RGS7: variants seen among roughly 807,000 people sequenced by gnomAD.
RGS7 encodes regulator of G protein signaling 7, also known as regulator of G-protein signaling 7.
In RGS7, 27 loss-of-function variants were observed where a neutral mutation model predicts 81.1. That is an observed-to-expected ratio of 0.33 (90% confidence interval 0.25 to 0.46). RGS7 has a LOEUF of 0.46. Ranked by LOEUF, RGS7 falls within the 20% of genes least tolerant of loss-of-function variation. RGS7 has a pLI of 1.00. For missense variants in RGS7, 396 were observed against 607.4 expected, an observed-to-expected ratio of 0.65 and a Z score of 3.66; for synonymous variants, 208 against 207.7, an observed-to-expected ratio of 1.00 and a Z score of -0.01.
chr1:241,330,982 A>G (rs148559887), intron 2 of RGS7, among the ~76,000 whole-genome samples: 2 of 152,324 alleles, frequency 1.3e-5, no homozygotes, highest in African/African-American at 4.8e-5. Flanking sequence ...TCATTGGTCC[A>G]TTAGTACATC....
At chr1:241,064,319 C>T (rs1232860827) in intron 3 of RGS7, among the ~76,000 whole-genome samples, 2 of 151,478 alleles carry the variant, frequency 1.3e-5, no homozygotes, top group African/African-American at 4.9e-5. Context: ...GGTGTGGCAG[C>T]TCCCATCGGT....
chr1:241,204,392 T>C (rs1055853065), intron 2 of RGS7, among the ~76,000 whole-genome samples: 1 of 152,180 alleles, frequency 6.6e-6, no homozygotes, highest in African/African-American at 2.4e-5. Context: ...ATAGATAAGA[T>C]GTGGTGTGCA....
chr1:240,894,267 T>A (rs1003045401), intron 6 of RGS7, among the ~76,000 whole-genome samples: 14 of 152,186 alleles, frequency 9.2e-5, no homozygotes, highest in Non-Finnish European at 8.8e-5. Flanking sequence ...GTGCATCTAT[T>A]GGCAGACTTT....
chr1:241,161,743 A>T (rs1245628492), intron 2 of RGS7, among the ~76,000 whole-genome samples: 1 of 144,434 alleles, frequency 6.9e-6, no homozygotes, highest in Non-Finnish European at 1.5e-5. Context: ...TTTGAGACAG[A>T]GTCTCACTCT....
chr1:240,936,338 T>C (rs1676633139), intron 5 of RGS7, among the ~76,000 whole-genome samples: 1 of 152,216 alleles, frequency 6.6e-6, no homozygotes, highest in South Asian at 2.1e-4. Flanking sequence ...CTTTATGAAT[T>C]TCCCTTAAGC....
chr1:240,802,774 T>G, intron 16 of RGS7, 130 bp downstream of exon 16: 1 of 732,966 alleles, frequency 1.4e-6, no homozygotes, highest in Non-Finnish European at 2.5e-6. Context: ...AATGCAAAGG[T>G]TTGGGGGAGG....
chr1:241,179,237 G>A (rs2071403894), intron 2 of RGS7, among the ~76,000 whole-genome samples: 1 of 152,142 alleles, frequency 6.6e-6, no homozygotes, highest in Non-Finnish European at 1.5e-5. Context: ...TGGGATTACA[G>A]GCATGCACCA....
At chr1:240,830,846 T>C (rs1189732785) in intron 9 of RGS7, among the ~76,000 whole-genome samples, 1 of 152,158 alleles carries the variant, frequency 6.6e-6, no homozygotes, top group East Asian at 1.9e-4. Flanking sequence ...AGGCATAAAG[T>C]GGAAAGATTC....
At chr1:241,353,619 T>C (rs1008565812) in intron 2 of RGS7, among the ~76,000 whole-genome samples, 12 of 152,074 alleles carry the variant, frequency 7.9e-5, no homozygotes, top group African/African-American at 2.9e-4. Flanking sequence ...ATCAAGAAAA[T>C]CTTTCTTTGA....
intron 18 of RGS7, among the ~76,000 whole-genome samples, chr1:240,791,022 T>C (rs1166894626): frequency 6.6e-6 from 1 of 152,228 alleles, no homozygotes; most frequent in East Asian, 1.9e-4. Flanking sequence ...CCCATGTCTA[T>C]TGGGTAATTT....
chr1:241,085,710 A>G (rs2063397447), intron 3 of RGS7, among the ~76,000 whole-genome samples: 1 of 152,288 alleles, frequency 6.6e-6, no homozygotes, highest in East Asian at 1.9e-4. Context: ...CTGGGATTAC[A>G]GGCGTGAGCC....
chr1:240,822,467 CGTTTCTAAT>C (rs1272072804), intron 10 of RGS7, among the ~76,000 whole-genome samples: 11 of 152,108 alleles, frequency 7.2e-5, no homozygotes, highest in Non-Finnish European at 1.3e-4. Flanking sequence ...AACATCTTCA[CGTTTCTAAT>C]AATAATGCAC....
In RGS7 at chr1:240,873,562, G is replaced by A. The variant is rs577882145; in HGVS notation, c.386-3443C>T. ...TTAGAACTTAGATGGAAAAGTCAAA[G>A]TTTCTGGATCCCATCTTTGAGTAGA... On this transcript the variant is annotated intron_variant, in intron 6 of 18. Coordinates refer to ENST00000440928, the MANE Select transcript of RGS7 (RefSeq NM_001364886.1). Among the ~76,000 whole-genome samples the A allele has an allele frequency of 7.2e-5, 11 of 152,266 alleles. 1 individual carries two copies. In the South Asian group the frequency reaches 2.1e-3, roughly 29 times the overall value.
chr1:241,336,080 T>C (rs577805685), intron 2 of RGS7, among the ~76,000 whole-genome samples: 13 of 152,214 alleles, frequency 8.5e-5, no homozygotes, highest in Non-Finnish European at 1.6e-4. Flanking sequence ...AGATAAGTAC[T>C]AGTAGCAAGA....
intron 18 of RGS7, among the ~76,000 whole-genome samples, chr1:240,777,663 C>T (rs1683206353): frequency 6.6e-6 from 1 of 152,170 alleles, no homozygotes. Flanking sequence ...AAGATCTAGA[C>T]ACTTATAGAT....
intron 2 of RGS7, among the ~76,000 whole-genome samples, chr1:241,344,514 T>C (rs2082766740): frequency 6.6e-6 from 1 of 152,232 alleles, no homozygotes; most frequent in South Asian, 2.1e-4. Flanking sequence ...TTTACAGATG[T>C]GGAAATTCAG....
intron 6 of RGS7, among the ~76,000 whole-genome samples, chr1:240,899,943 CT>C (rs1669707352): frequency 6.6e-6 from 1 of 152,326 alleles, no homozygotes; most frequent in South Asian, 2.1e-4. Context: ...AAGATTTGGT[CT>C]TTTCACATAG....
At chr1:241,231,532 T>C (rs1209496243) in intron 2 of RGS7, among the ~76,000 whole-genome samples, 2 of 152,106 alleles carry the variant, frequency 1.3e-5, no homozygotes, top group African/African-American at 4.8e-5. Context: ...CTAATTTTTG[T>C]ATTTTTAGTA....
At chr1:240,845,533 T>C (rs1327720798) in intron 9 of RGS7, among the ~76,000 whole-genome samples, 2 of 152,154 alleles carry the variant, frequency 1.3e-5, no homozygotes, top group Non-Finnish European at 2.9e-5. Context: ...AATGCTAGGT[T>C]TTCAGTCATC....
Sources: allele counts gnomAD v4.1 joint callset (sites outside exome capture counted in the v4.1 genomes callset), GRCh38; gene constraint gnomAD v4.1.1; transcripts MANE v1.5; gene names NCBI Gene and HGNC (gene_info 2026-07-23, HGNC 2026-07-21).